Variants in SGCZ observed in about 807,000 individuals in gnomAD.
The protein encoded by SGCZ is sarcoglycan zeta, also known as zeta-sarcoglycan.
SGCZ carries 40 observed loss-of-function variants against 41.3 expected under a neutral mutation model. That is an observed-to-expected ratio of 0.97 (90% CI 0.75 to 1.26). The LOEUF is 1.26. Among genes scored for constraint, SGCZ ranks in the 50% most tolerant of loss-of-function variants. SGCZ has a pLI of 0.00. For synonymous variants in SGCZ, 206 were observed against 137.5 expected (o/e 1.50, Z -3.49); for missense variants, 552 against 369.8 (o/e 1.49, Z -4.04).
intron 1 of SGCZ, among the ~76,000 whole-genome samples, chr8:14,910,119 G>A (rs145780683): frequency 6.6e-6 from 1 of 152,116 alleles, no homozygotes; most frequent in African/African-American, 2.4e-5. Flanking sequence ...TTGAGATGTT[G>A]CATTCTATAA....
intron 5 of SGCZ, among the ~76,000 whole-genome samples, chr8:14,143,252 C>T (rs780328916): frequency 5.9e-5 from 9 of 152,136 alleles, no homozygotes; most frequent in Non-Finnish European, 1.3e-4. Context: ...TCTAAGATTG[C>T]AGACAGGGCA....
At chr8:14,332,380 G>A (rs894340799) in intron 2 of SGCZ, among the ~76,000 whole-genome samples, 1 of 152,176 alleles carries the variant, frequency 6.6e-6, no homozygotes, top group Non-Finnish European at 1.5e-5. Context: ...GGCGGAGCTT[G>A]CGGTGAGCCG....
intron 1 of SGCZ, among the ~76,000 whole-genome samples, chr8:14,606,246 T>A (rs1394341136): frequency 6.6e-6 from 1 of 152,192 alleles, no homozygotes; most frequent in East Asian, 1.9e-4. Context: ...TTGATTTGCC[T>A]TTAACATACA....
chr8:14,961,937 C>T (rs912856300), intron 1 of SGCZ, among the ~76,000 whole-genome samples: 2 of 152,172 alleles, frequency 1.3e-5, no homozygotes, highest in African/African-American at 4.8e-5. Flanking sequence ...ACTGTGGCTT[C>T]TGAATACTTT....
intron 1 of SGCZ, among the ~76,000 whole-genome samples, chr8:15,219,851 T>C (rs562680985): frequency 6.6e-6 from 1 of 152,310 alleles, no homozygotes; most frequent in East Asian, 1.9e-4. Flanking sequence ...GTTCAACAAA[T>C]ATTCCTGAAG....
intron 2 of SGCZ, among the ~76,000 whole-genome samples, chr8:14,409,649 A>C (rs538194302): frequency 1.8e-4 from 27 of 152,272 alleles, no homozygotes; most frequent in African/African-American, 5.8e-4. Flanking sequence ...CTGCTATTAC[A>C]TGTCAGCAAA....
intron 1 of SGCZ, among the ~76,000 whole-genome samples, chr8:14,700,366 A>G (rs1809097216): frequency 2.0e-5 from 3 of 152,056 alleles, no homozygotes; most frequent in South Asian, 4.1e-4. Context: ...GGAGCAGAAA[A>G]TAAAATACCA....
intron 1 of SGCZ, among the ~76,000 whole-genome samples, chr8:15,057,584 C>A (rs1035293502): frequency 1.3e-5 from 2 of 151,738 alleles, no homozygotes; most frequent in East Asian, 1.9e-4. Flanking sequence ...TTACAATAGA[C>A]CAAAAATAGT....
chr8:14,434,605 G>A (rs1800035623), intron 2 of SGCZ, among the ~76,000 whole-genome samples: 1 of 152,138 alleles, frequency 6.6e-6, no homozygotes, highest in East Asian at 1.9e-4. Flanking sequence ...ATGAGAATAG[G>A]ATGTGTTTCA....
At chr8:15,040,326 G>C (rs1272955284) in intron 1 of SGCZ, among the ~76,000 whole-genome samples, 1 of 152,094 alleles carries the variant, frequency 6.6e-6, no homozygotes, top group Non-Finnish European at 1.5e-5. Flanking sequence ...TTTAAAAAGT[G>C]ATTTCGTTGG....
intron 2 of SGCZ, among the ~76,000 whole-genome samples, chr8:14,448,964 G>A (rs1485106862): frequency 2.6e-5 from 4 of 152,162 alleles, no homozygotes; most frequent in Non-Finnish European, 5.9e-5. Context: ...TGACCACTCA[G>A]TTTTTATTCA....
rs1003200048 is a variant in SGCZ, at chr8:14,751,216, T to C, written c.40-196290A>G. ...TTCGTAAGCACATCAGTGATAAAGA[T>C]AGACACAGTCTCTCTGACCAGTTTA... On this transcript the variant is annotated intron_variant, in intron 1 of 7. Coordinates refer to ENST00000382080, the MANE Select transcript of SGCZ (RefSeq NM_139167.4). Among the ~76,000 whole-genome samples the C allele has an allele frequency of 6.6e-5, 10 of 152,168 alleles. No homozygotes were observed. The East Asian group carries it at 1.2e-3, about 18-fold the overall frequency.
intron 1 of SGCZ, among the ~76,000 whole-genome samples, chr8:15,213,314 C>A (rs2117165202): frequency 6.6e-6 from 1 of 151,794 alleles, no homozygotes; most frequent in Non-Finnish European, 1.5e-5. Context: ...AAAGTAACAA[C>A]TAACAGAAGT....
chr8:14,984,964 CCAA>C (rs1801782375), intron 1 of SGCZ, among the ~76,000 whole-genome samples: 1 of 152,192 alleles, frequency 6.6e-6, no homozygotes, highest in South Asian at 2.1e-4. Flanking sequence ...TCTGTAGATT[CCAA>C]CAACAACAGT....
chr8:14,729,622 C>G (rs1442659566), intron 1 of SGCZ, among the ~76,000 whole-genome samples: 1 of 150,844 alleles, frequency 6.6e-6, no homozygotes, highest in Non-Finnish European at 1.5e-5. Flanking sequence ...TGATCTTGCA[C>G]TTACAGCATC....
At chr8:14,246,426 T>C (rs1799092448) in intron 3 of SGCZ, among the ~76,000 whole-genome samples, 2 of 150,260 alleles carry the variant, frequency 1.3e-5, no homozygotes, top group Non-Finnish European at 3.0e-5. Flanking sequence ...AAAGGGAACA[T>C]GACACTCTGG....
chr8:14,140,687 AAG>A (rs1803341412), intron 5 of SGCZ, among the ~76,000 whole-genome samples: 1 of 152,196 alleles, frequency 6.6e-6, no homozygotes, highest in Non-Finnish European at 1.5e-5. Flanking sequence ...AAACAAATGG[AAG>A]AACATTCCAT....
intron 4 of SGCZ, among the ~76,000 whole-genome samples, chr8:14,206,237 T>A (rs147627867): frequency 4.2e-4 from 64 of 152,278 alleles, no homozygotes; most frequent in African/African-American, 1.3e-3. Flanking sequence ...CATTACCTAG[T>A]CTGTAATGTT....
chr8:14,142,383 T>C (rs1803398961), intron 5 of SGCZ, among the ~76,000 whole-genome samples: 1 of 152,102 alleles, frequency 6.6e-6, no homozygotes, highest in Admixed American at 6.5e-5. Flanking sequence ...AACAAAATTC[T>C]AACAGGAACA....
Sources: allele counts gnomAD v4.1 joint callset (sites outside exome capture counted in the v4.1 genomes callset), GRCh38; gene constraint gnomAD v4.1.1; transcripts MANE v1.5; gene names NCBI Gene and HGNC (gene_info 2026-07-23, HGNC 2026-07-21).